The following DIAPH2 variants were observed in gnomAD, a reference collection of about 807,000 sequenced individuals.
DIAPH2 encodes protein diaphanous homolog 2.
A neutral mutation model predicts 92.7 loss-of-function variants in DIAPH2; 35 were observed. The ratio of observed to expected loss-of-function variants is 0.38; its 90% CI spans 0.29 to 0.50. The LOEUF (loss-of-function observed/expected upper bound fraction) is 0.50. Ranked by LOEUF, DIAPH2 falls within the 20% of genes least tolerant of loss-of-function variation. DIAPH2 has a pLI of 0.94. For synonymous variants in DIAPH2, 301 were observed against 280.4 expected, an observed-to-expected ratio of 1.07 and a Z score of -0.73; for missense variants, 701 against 819.5, an observed-to-expected ratio of 0.86 and a Z score of 1.77.
rs745350367 is a variant in DIAPH2 at position 97,318,482 on chromosome X, C to CTTT, written c.2845-29609_2845-29607dup. Among the ~76,000 whole-genome samples, 60 of 46,312 alleles carry CTTT rather than the reference C, an allele frequency of 1.3e-3. 6 individuals carry two copies. Among genetic ancestry groups the CTTT allele is most frequent in the African/African-American group, 5.3e-3 (58 of 11,003 alleles). The allele number at this position is 46,312 out of a possible 115,157, so 40.2% of individuals were successfully genotyped here. ...TTACAGTTTTCTTTTTTTTTCTTTA[C>CTTT]TTTTTTTTTTTTTTTTTTTTTTTTT... On this transcript the variant is annotated intron_variant, in intron 23 of 26. Transcript: ENST00000324765.
chrX:97,564,982 T>A (rs1046702736), intron 26 of DIAPH2, among the ~76,000 whole-genome samples: 16 of 112,255 alleles, frequency 1.4e-4, no homozygotes. Context: ...GCTTTAGTTT[T>A]AAAAATATTT....
At chrX:97,100,311 A>G (rs988005582) in intron 20 of DIAPH2, among the ~76,000 whole-genome samples, 2 of 111,808 alleles carry the variant, frequency 1.8e-5, no homozygotes, top group African/African-American at 3.2e-5. Flanking sequence ...TTTAGCTGGG[A>G]AGAAAATCTT....
At chrX:97,110,310 A>G (rs2066970274) in intron 20 of DIAPH2, among the ~76,000 whole-genome samples, 1 of 111,369 alleles carries the variant, frequency 9.0e-6, no homozygotes, top group Non-Finnish European at 1.9e-5. Context: ...AAATCTGCCA[A>G]CTCCAATACT....
At chrX:97,311,711 G>A (rs184234567) in intron 23 of DIAPH2, among the ~76,000 whole-genome samples, 1 of 111,636 alleles carries the variant, frequency 9.0e-6, no homozygotes, top group East Asian at 2.8e-4. Context: ...TCAGAATCTT[G>A]TAGCCTCCAG....
chrX:97,570,390 A>G (rs1278670037), intron 26 of DIAPH2, among the ~76,000 whole-genome samples: 2 of 106,737 alleles, frequency 1.9e-5, no homozygotes, highest in East Asian at 3.0e-4. Context: ...GAATTTGGAA[A>G]TATTTAGTCC....
chrX:97,343,499 T>C (rs922909567), intron 23 of DIAPH2, among the ~76,000 whole-genome samples: 9 of 110,757 alleles, frequency 8.1e-5, no homozygotes, highest in African/African-American at 3.0e-4. Flanking sequence ...TGAAACCCCA[T>C]CTCTACTAAA....
chrX:96,959,029 A>G (rs1440194391), intron 16 of DIAPH2, among the ~76,000 whole-genome samples: 4 of 111,376 alleles, frequency 3.6e-5, no homozygotes, highest in Non-Finnish European at 5.7e-5. Flanking sequence ...TATCTTTGCC[A>G]TTGTGCCTAG....
chrX:97,119,110 TG>T (rs1322525742), intron 21 of DIAPH2, among the ~76,000 whole-genome samples: 2 of 110,815 alleles, frequency 1.8e-5, no homozygotes, highest in Non-Finnish European at 3.8e-5. Flanking sequence ...GTGTGATTTT[TG>T]GGGGGGTGTT....
chrX:96,849,683 A>G (rs1032567817), intron 4 of DIAPH2, among the ~76,000 whole-genome samples: 102 of 112,309 alleles, frequency 9.1e-4, no homozygotes, highest in African/African-American at 3.1e-3. Flanking sequence ...TGTCAGGAGT[A>G]GAATATACTG....
chrX:97,429,982 C>T (rs765640677), intron 26 of DIAPH2, among the ~76,000 whole-genome samples: 26 of 111,460 alleles, frequency 2.3e-4, no homozygotes, highest in African/African-American at 8.5e-4. Context: ...AACAAGGACT[C>T]CCACTGTGTT....
chrX:97,200,617 G>A (rs1437835740), intron 22 of DIAPH2, among the ~76,000 whole-genome samples: 1 of 111,981 alleles, frequency 8.9e-6, no homozygotes, highest in African/African-American at 3.2e-5. Flanking sequence ...TTCCTACTCA[G>A]GGGCGGGGCC....
At chrX:97,504,595 A>G (rs2070820212) in intron 26 of DIAPH2, among the ~76,000 whole-genome samples, 1 of 111,624 alleles carries the variant, frequency 9.0e-6, no homozygotes. Flanking sequence ...ATCCATATAA[A>G]TGTCTGTGAT....
rs60721723 is a variant in DIAPH2, at chrX:97,112,765, C to CTTTTTTTTTTTTTT, written c.2350-1944_2350-1931dup. On this transcript the variant is annotated intron_variant, in intron 20 of 26. Coordinates refer to ENST00000324765, the MANE Select transcript of DIAPH2 (RefSeq NM_006729.5). ...CTTCCTTCCTTCTTTCCCTTTCTTT[C>CTTTTTTTTTTTTTT]TTTTTTTTTTTTTTTTTTTTTTTTT... Among the ~76,000 whole-genome samples, 16 of 37,245 alleles carry CTTTTTTTTTTTTTT rather than the reference C, an allele frequency of 4.3e-4. 1 individual carries two copies. Among genetic ancestry groups the CTTTTTTTTTTTTTT allele is most frequent in the African/African-American group, 1.9e-3 (16 of 8,247 alleles). 32.3% of individuals were successfully genotyped at this position (37,245 alleles called of 115,157 possible).
intron 4 of DIAPH2, among the ~76,000 whole-genome samples, chrX:96,802,614 A>G (rs763696643): frequency 8.9e-6 from 1 of 111,732 alleles, no homozygotes; most frequent in Non-Finnish European, 1.9e-5. Context: ...TAGGGTATAT[A>G]TATAGGGTAA....
intron 26 of DIAPH2, among the ~76,000 whole-genome samples, chrX:97,591,180 T>C (rs773312150): frequency 2.6e-4 from 29 of 112,127 alleles, no homozygotes; most frequent in Middle Eastern, 4.6e-3. Flanking sequence ...TTCTTCTTGT[T>C]GAAATCCCCC....
intron 22 of DIAPH2, among the ~76,000 whole-genome samples, chrX:97,198,269 C>T (rs1174744030): frequency 2.5e-5 from 1 of 40,150 alleles, no homozygotes; most frequent in Non-Finnish European, 8.8e-5. Context: ...ACAAAATACA[C>T]ACACACACAC....
chrX:97,221,847 CT>C (rs1285052571), intron 22 of DIAPH2, among the ~76,000 whole-genome samples: 97 of 103,385 alleles, frequency 9.4e-4, no homozygotes, highest in Middle Eastern at 4.8e-3. Context: ...TTTGCTCCTT[CT>C]TTTTTTTTTT....
intron 17 of DIAPH2, among the ~76,000 whole-genome samples, chrX:97,018,867 G>C (rs1402508000): frequency 9.0e-6 from 1 of 111,363 alleles, no homozygotes; most frequent in East Asian, 2.8e-4. Flanking sequence ...TTACAGATGG[G>C]TTTCACTGCC....
intron 5 of DIAPH2, among the ~76,000 whole-genome samples, chrX:96,902,653 C>A (rs1291872536): frequency 9.0e-6 from 1 of 110,706 alleles, no homozygotes; most frequent in South Asian, 3.9e-4. Flanking sequence ...AAATATATAC[C>A]GTTTTTATTT....
Sources: allele counts gnomAD v4.1 joint callset (sites outside exome capture counted in the v4.1 genomes callset), GRCh38; gene constraint gnomAD v4.1.1; transcripts MANE v1.5; gene names NCBI Gene and HGNC (gene_info 2026-07-23, HGNC 2026-07-21).